The following MGA variants were observed in gnomAD, a reference collection of about 807,000 sequenced individuals.
MGA encodes MAX gene-associated protein.
A neutral mutation model predicts 261.1 loss-of-function variants in MGA; 40 were observed. The ratio of observed to expected loss-of-function variants is 0.15; its 90% confidence interval spans 0.12 to 0.20. The LOEUF (loss-of-function observed/expected upper bound fraction) is 0.20. Ranked by LOEUF, MGA falls within the 10% of genes least tolerant of loss-of-function variation. MGA has a pLI of 1.00. For synonymous variants in MGA, 1,302 were observed against 1,290.6 expected, an observed-to-expected ratio of 1.01 and a Z score of -0.19; for missense variants, 3,397 against 3,630.5, an observed-to-expected ratio of 0.94 and a Z score of 1.65.
intron 8 of MGA, among the ~76,000 whole-genome samples, chr15:41,711,979 G>A (rs1404001187): frequency 2.0e-5 from 3 of 152,116 alleles, no homozygotes; most frequent in Non-Finnish European, 2.9e-5. Flanking sequence ...ACAGGCATGA[G>A]TCACCACGCC....
intron 9 of MGA, among the ~76,000 whole-genome samples, chr15:41,723,082 T>C (rs1421531477): frequency 6.6e-6 from 1 of 152,212 alleles, no homozygotes. Flanking sequence ...ATTTCTTTGT[T>C]AAAACTGATT....
At chr15:41,722,111 A>G (rs2060972108) in intron 9 of MGA, among the ~76,000 whole-genome samples, 1 of 147,370 alleles carries the variant, frequency 6.8e-6, no homozygotes, top group Non-Finnish European at 1.5e-5. Context: ...ATAAACTTTT[A>G]AAGTAGGCCA....
Position 41,749,300 on chromosome 15 carries a change from G to A in MGA, c.5693G>A (p.Gly1898Asp). The A allele has an allele frequency of 1.9e-6, 3 of 1,613,976 alleles. No homozygotes were observed. The highest frequency in any genetic ancestry group is 2.5e-6 in the Non-Finnish European group (3 of 1,179,882). The change falls in exon 17 of 24, where the codon GGT (glycine) becomes GAT (aspartate). Residue 1898 changes from glycine to aspartate, a missense_variant. Transcript: ENST00000219905. ...GGAGCTAGTTTTGTGTCTCAGGCTGGTACATTGACCCTGAGGATTTCTCCT... is the reference window on the plus strand; with the variant it reads ...GGAGCTAGTTTTGTGTCTCAGGCTGATACATTGACCCTGAGGATTTCTCCT...
intron 15 of MGA, 73 bp downstream of exon 15, chr15:41,743,245 A>G: frequency 7.0e-7 from 1 of 1,433,938 alleles, no homozygotes; most frequent in Non-Finnish European, 9.3e-7. Context: ...TTGTGTTAGG[A>G]TTATAGATAT....
chr15:41,757,877 T>A (rs1363875610), intron 19 of MGA, 38 bp downstream of exon 19: 2 of 1,508,780 alleles, frequency 1.3e-6, no homozygotes, highest in Non-Finnish European at 1.8e-6. Flanking sequence ...ACTCATTGAA[T>A]AAAATTGTTA....
At position 41,729,484 on chromosome 15, in the gene MGA, C is replaced by A. The variant is rs2061401037; in HGVS notation, c.3843+135C>A. Reference sequence around the variant, plus strand: ...ACATGACATGTATAACAGTTTATTTCTCTGTGTACCTATTGTATGATACGT... The same window carrying A: ...ACATGACATGTATAACAGTTTATTTATCTGTGTACCTATTGTATGATACGT... On this transcript the variant is annotated intron_variant, in intron 11 of 23. Transcript: ENST00000219905. 10 of 842,316 alleles carry A rather than the reference C, an allele frequency of 1.2e-5. No homozygotes were observed. The Admixed American group carries it at 2.6e-4, about 22-fold the overall frequency. 52.2% of individuals were successfully genotyped at this position (842,316 alleles called of 1,614,324 possible).
intron 5 of MGA, among the ~76,000 whole-genome samples, chr15:41,701,720 G>T (rs1005077169): frequency 6.6e-6 from 1 of 152,130 alleles, no homozygotes; most frequent in African/African-American, 2.4e-5. Flanking sequence ...TGAAGTGGTG[G>T]CAGCTAATAG....
At chr15:41,651,494 C>T (rs1346868731) in intron 1 of MGA, among the ~76,000 whole-genome samples, 11 of 151,834 alleles carry the variant, frequency 7.2e-5, no homozygotes, top group African/African-American at 9.7e-5. Flanking sequence ...TCCTCTTCTT[C>T]GTAAAGAAAA....
chr15:41,727,300 A>G lies in MGA; in HGVS notation c.3551A>G (p.Lys1184Arg). The G allele has an allele frequency of 6.2e-7, 1 of 1,613,966 alleles. No homozygotes were observed. The highest frequency in any genetic ancestry group is 8.5e-7 in the Non-Finnish European group (1 of 1,179,884). ...ACGCCTTCTGTCATTGAGCCTATGA[A>G]ACCATTGTTATTGCCTCAGCCAGAA... Residue 1184 changes from lysine (K) to arginine (R), a missense_variant, in exon 10 of 24, where the codon AAA becomes AGA. Coordinates refer to ENST00000219905, the MANE Select transcript of MGA (RefSeq NM_001164273.2).
chr15:41,735,135 A>C (rs2061701254), intron 12 of MGA, among the ~76,000 whole-genome samples: 1 of 152,166 alleles, frequency 6.6e-6, no homozygotes, highest in East Asian at 1.9e-4. Flanking sequence ...ACAAATAATT[A>C]ACAATGTTTC....
intron 8 of MGA, 51 bp from the exon 9 acceptor site, chr15:41,713,100 T>G: frequency 6.3e-7 from 1 of 1,577,854 alleles, no homozygotes; most frequent in Non-Finnish European, 8.6e-7. Context: ...AAGTTGGTGG[T>G]GGTGTAGGGG....
intron 2 of MGA, among the ~76,000 whole-genome samples, chr15:41,672,318 T>G (rs2058106109): frequency 1.3e-5 from 2 of 152,182 alleles, no homozygotes; most frequent in Non-Finnish European, 2.9e-5. Context: ...CATCCCTGGC[T>G]AATTTTTTGT....
chr15:41,662,558 C>G (rs1303268546), intron 1 of MGA, among the ~76,000 whole-genome samples: 1 of 152,064 alleles, frequency 6.6e-6, no homozygotes. Context: ...ATGGCAAGTA[C>G]CATTTATTAA....
intron 1 of MGA, among the ~76,000 whole-genome samples, chr15:41,623,805 G>C (rs1023537328): frequency 7.0e-6 from 1 of 143,706 alleles, no homozygotes; most frequent in Non-Finnish European, 1.5e-5. Context: ...AGGGAGTTTC[G>C]GGCTTGTCCC....
chr15:41,666,613 G>C (rs2057753551), intron 1 of MGA, among the ~76,000 whole-genome samples: 1 of 152,206 alleles, frequency 6.6e-6, no homozygotes, highest in Non-Finnish European at 1.5e-5. Flanking sequence ...TTTAAAAGAT[G>C]TGTGGCATAA....
chr15:41,716,554 C>T (rs183511078), intron 9 of MGA, among the ~76,000 whole-genome samples: 1 of 151,622 alleles, frequency 6.6e-6, no homozygotes, highest in South Asian at 2.1e-4. Context: ...AACATGTTGC[C>T]GATACCAAAA....
intron 1 of MGA, among the ~76,000 whole-genome samples, chr15:41,647,307 C>T (rs1312850777): frequency 6.6e-6 from 1 of 152,190 alleles, no homozygotes; most frequent in Non-Finnish European, 1.5e-5. Context: ...ATTGCACTTA[C>T]ATTTATAGTT....
At chr15:41,720,267 G>A (rs1356444731) in intron 9 of MGA, among the ~76,000 whole-genome samples, 1 of 152,198 alleles carries the variant, frequency 6.6e-6, no homozygotes, top group African/African-American at 2.4e-5. Flanking sequence ...GGGTGCTGTG[G>A]CTCATGCCTT....
chr15:41,670,053 T>C (rs1317118039), intron 2 of MGA, 95 bp downstream of exon 2: 1 of 956,430 alleles, frequency 1.0e-6, no homozygotes, highest in Non-Finnish European at 1.5e-6. Context: ...ATGCTACAGA[T>C]GTTGATAAAT....
Sources: gnomAD v4.1 joint callset for allele counts (sites outside exome capture counted in the v4.1 genomes callset) on GRCh38, gnomAD v4.1.1 for gene constraint, MANE v1.5 for transcripts, NCBI Gene and HGNC (gene_info 2026-07-23, HGNC 2026-07-21) for gene names.